The following ATXN10 variants were observed in gnomAD, a reference collection of about 807,000 sequenced individuals.
ATXN10 encodes the protein ataxin 10, also known as ataxin-10.
ATXN10 carries 28 observed loss-of-function variants against 52.9 expected under a neutral mutation model. The observed-to-expected ratio is 0.53, with a 90% confidence interval of 0.39 to 0.73. The LOEUF is 0.73. Ranked by LOEUF, ATXN10 falls within the 30% of genes least tolerant of loss-of-function variation. The probability of loss-of-function intolerance (pLI) is 0.00; values close to 1 mark genes in which losing one functional copy is unlikely to be tolerated. For synonymous variants in ATXN10, 226 were observed against 221.5 expected (o/e 1.02, Z -0.18); for missense variants, 565 against 577.0 (o/e 0.98, Z 0.21).
In ATXN10 at chr22:45,737,861, G is replaced by A. The variant is rs534805608; in HGVS notation, c.895-870G>A. Among the ~76,000 whole-genome samples, 8 of 151,870 alleles carry A rather than the reference G, an allele frequency of 5.3e-5. No homozygotes were observed. The South Asian group carries it at 1.7e-3, about 32-fold the overall frequency. ...TTACAGGCACCCACCACCAAGCGTG[G>A]CTAATTTTTATATTTTTTTTTACTA... On this transcript the variant is annotated intron_variant, in intron 7 of 11. Transcript: ENST00000252934.
chr22:45,826,151 C>A lies in ATXN10; in HGVS notation c.1238-16840C>A, dbSNP rs1474237148. Among the ~76,000 whole-genome samples, 1 of 152,100 alleles carries A rather than the reference C, an allele frequency of 6.6e-6. No individual in the cohort carries two copies. Among genetic ancestry groups the A allele is most frequent in the African/African-American group, 2.4e-5 (1 of 41,414 alleles). On this transcript the variant is annotated intron_variant, in intron 10 of 11. Coordinates refer to ENST00000252934, the MANE Select transcript of ATXN10 (RefSeq NM_013236.4). This position sits in a 1 kb window ranked among gnomAD's most constrained non-coding sequence, Gnocchi z 5.0. ...CCTGAAGATAAATCAAAGAGAAATT[C>A]TGGAGCTGAAAGTACAATACCTGAA...
intron 6 of ATXN10, among the ~76,000 whole-genome samples, chr22:45,723,124 CAT>C (rs995156566): frequency 1.3e-5 from 2 of 151,732 alleles, no homozygotes; most frequent in East Asian, 1.9e-4. Flanking sequence ...CCTTGAAAGT[CAT>C]ATGTGTGTGT....
At chr22:45,839,460 C>G (rs56202139) in intron 10 of ATXN10, among the ~76,000 whole-genome samples, 5 of 152,208 alleles carry the variant, frequency 3.3e-5, no homozygotes, top group African/African-American at 1.2e-4. Context: ...CAGCTGCAAC[C>G]AGTGTCCCTG....
chr22:45,804,899 A>G lies in ATXN10; in HGVS notation c.1174-2060A>G, dbSNP rs371839651. On this transcript the variant is annotated intron_variant, in intron 9 of 11. Coordinates refer to ENST00000252934, the MANE Select transcript of ATXN10 (RefSeq NM_013236.4). The stretch of plus-strand genomic sequence containing the variant: ...TGTTTCTTGTTCAGAGTATTTAAAA[A>G]TACTCCTTTATCACACACAAGATTC... 3.9e-5 allele frequency among the ~76,000 whole-genome samples: 6 copies of G among 152,144 alleles called. No homozygotes were observed. In the South Asian group the frequency reaches 8.3e-4, roughly 21 times the overall value.
chr22:45,751,917 T>C (rs912742420), intron 9 of ATXN10, among the ~76,000 whole-genome samples: 3 of 151,640 alleles, frequency 2.0e-5, no homozygotes, highest in South Asian at 2.1e-4. Context: ...TAAAAGACTT[T>C]TTTCCTGTCA....
At chr22:45,693,730 A>C (rs1923474612) in intron 3 of ATXN10, among the ~76,000 whole-genome samples, 1 of 152,188 alleles carries the variant, frequency 6.6e-6, no homozygotes, top group Non-Finnish European at 1.5e-5. Flanking sequence ...AATTAAGGTA[A>C]AATGAGGGTA....
At position 45,780,692 on chromosome 22, in the gene ATXN10, A is replaced by T. The variant is rs573737338; in HGVS notation, c.1174-26267A>T. Among the ~76,000 whole-genome samples, 1 of 152,254 alleles carries T rather than the reference A, an allele frequency of 6.6e-6. No individual in the cohort carries two copies. The highest frequency in any genetic ancestry group is 2.1e-4 in the South Asian group (1 of 4,824). The stretch of plus-strand genomic sequence containing the variant: ...TTTTTGTTTGCACAAATATATCCTA[A>T]TCTTCTGAAATTTAAACCTGGATCA... On this transcript the variant is annotated intron_variant, in intron 9 of 11. Coordinates refer to ENST00000252934, the MANE Select transcript of ATXN10 (RefSeq NM_013236.4). The surrounding 1 kb of genome is among the most constrained non-coding windows in gnomAD (Gnocchi z 4.0).
intron 6 of ATXN10, among the ~76,000 whole-genome samples, chr22:45,721,531 C>T (rs184055952): frequency 6.6e-6 from 1 of 152,270 alleles, no homozygotes; most frequent in African/African-American, 2.4e-5. Context: ...TCAAATACCA[C>T]CTCAGTACCT....
At chr22:45,695,190 G>A (rs1165021650) in intron 3 of ATXN10, among the ~76,000 whole-genome samples, 1 of 151,428 alleles carries the variant, frequency 6.6e-6, no homozygotes, top group Non-Finnish European at 1.5e-5. Flanking sequence ...CGGGCATGGT[G>A]GTGGGCACCT....
intron 9 of ATXN10, among the ~76,000 whole-genome samples, chr22:45,804,788 A>G (rs756045749): frequency 1.8e-4 from 27 of 152,206 alleles, no homozygotes; most frequent in Non-Finnish European, 3.1e-4. Flanking sequence ...AGGCACATTC[A>G]CAGAGTCTCC....
At chr22:45,809,919 A>C (rs9626202) in intron 10 of ATXN10, among the ~76,000 whole-genome samples, 5 of 151,882 alleles carry the variant, frequency 3.3e-5, no homozygotes, top group Non-Finnish European at 5.9e-5. Context: ...GAAATTCTTT[A>C]CTTTTAGTCA....
chr22:45,805,504 CT>C lies in ATXN10; in HGVS notation c.1174-1454del. Among the ~76,000 whole-genome samples the C allele has an allele frequency of 6.6e-6, 1 of 152,194 alleles. No individual in the cohort carries two copies. The highest frequency in any genetic ancestry group is 1.5e-5 in the Non-Finnish European group (1 of 68,036). On this transcript the variant is annotated intron_variant, in intron 9 of 11. Transcript: ENST00000252934. The surrounding 1 kb of genome is among the most constrained non-coding windows in gnomAD (Gnocchi z 4.4). The stretch of plus-strand genomic sequence containing the variant: ...CAATGTGGCATATCCGTACAATGCA[CT>C]GTTCACGTTACTCAGCCGTGAAAAG...
In ATXN10 at chr22:45,732,794, C is replaced by T. The variant is rs1326069534; in HGVS notation, c.894+3204C>T. 2.0e-5 allele frequency among the ~76,000 whole-genome samples: 3 copies of T among 152,164 alleles called. No individual in the cohort carries two copies. The highest frequency in any genetic ancestry group is 4.4e-5 in the Non-Finnish European group (3 of 68,020). On this transcript the variant is annotated intron_variant, in intron 7 of 11. Coordinates refer to ENST00000252934, the MANE Select transcript of ATXN10 (RefSeq NM_013236.4). This position sits in a 1 kb window ranked among gnomAD's most constrained non-coding sequence, Gnocchi z 4.5. ...AAATGCTACAAATCAGGGTTTTCCA[C>T]CTGCCTCTTCCACCCCAGCCATTCT...
At chr22:45,832,755 A>G (rs1254996743) in intron 10 of ATXN10, among the ~76,000 whole-genome samples, 2 of 152,258 alleles carry the variant, frequency 1.3e-5, no homozygotes, top group African/African-American at 4.8e-5. Context: ...CTAAATATCA[A>G]GAGGTGTGTT....
rs371429538 is a variant in ATXN10 at position 45,833,278 on chromosome 22, G to T, written c.1238-9713G>T. On this transcript the variant is annotated intron_variant, in intron 10 of 11. Transcript: ENST00000252934. This position sits in a 1 kb window ranked among gnomAD's most constrained non-coding sequence, Gnocchi z 4.3. ...CGACTTCCTGGGAGCTGCTGAAGGC[G>T]TCGGGGGAGGTGGGGTGAGGAGGCA... Among the ~76,000 whole-genome samples the T allele has an allele frequency of 1.3e-5, 2 of 152,178 alleles. No individual in the cohort carries two copies. The highest frequency in any genetic ancestry group is 4.8e-5 in the African/African-American group (2 of 41,444).
chr22:45,713,056 T>A (rs1475641525), intron 5 of ATXN10, among the ~76,000 whole-genome samples: 9 of 152,156 alleles, frequency 5.9e-5, no homozygotes, highest in Admixed American at 5.9e-4. Flanking sequence ...TATGCATGTA[T>A]GGATATGGAT....
In ATXN10 at chr22:45,705,919, A is replaced by C. The variant is rs994520179; in HGVS notation, c.647+3072A>C. On this transcript the variant is annotated intron_variant, in intron 5 of 11. Transcript: ENST00000252934. The surrounding 1 kb of genome is among the most constrained non-coding windows in gnomAD (Gnocchi z 5.2). ...AGCACAAGATAAGCAGCAGGCAAGCAAGCATTCCTGCCTGAGCGCCACTTC... is the reference window on the plus strand; with the variant it reads ...AGCACAAGATAAGCAGCAGGCAAGCCAGCATTCCTGCCTGAGCGCCACTTC... 1.3e-5 allele frequency among the ~76,000 whole-genome samples: 2 copies of C among 152,274 alleles called. No individual in the cohort carries two copies. Among genetic ancestry groups the C allele is most frequent in the Middle Eastern group, 3.4e-3 (1 of 294 alleles).
chr22:45,675,804 T>C (rs780392147), intron 1 of ATXN10: 4 of 152,262 alleles, frequency 2.6e-5, no homozygotes, highest in Non-Finnish European at 5.9e-5. Context: ...TTCTCCATGC[T>C]GTGTATTAAA....
intron 9 of ATXN10, among the ~76,000 whole-genome samples, chr22:45,761,182 G>A (rs1187203598): frequency 6.6e-6 from 1 of 152,098 alleles, no homozygotes; most frequent in Non-Finnish European, 1.5e-5. Flanking sequence ...ATGCAGTGGC[G>A]TGATTTCGGC....
Sources: allele counts gnomAD v4.1 joint callset (sites outside exome capture counted in the v4.1 genomes callset), GRCh38; gene constraint gnomAD v4.1.1; non-coding constraint Gnocchi (gnomAD v3.1); transcripts MANE v1.5; gene names NCBI Gene and HGNC (gene_info 2026-07-23, HGNC 2026-07-21).